RCAN1: variants seen among roughly 807,000 people sequenced by gnomAD.
RCAN1 encodes the protein calcipressin-1.
RCAN1 carries 11 observed loss-of-function variants against 22.9 expected under a neutral mutation model. That is an observed-to-expected ratio of 0.48 (90% CI 0.30 to 0.79). The LOEUF (loss-of-function observed/expected upper bound fraction) is 0.79, where lower values mean the gene tolerates loss of function less well. Ranked by LOEUF, RCAN1 falls within the 30% of genes least tolerant of loss-of-function variation. The pLI, the probability that RCAN1 is intolerant of heterozygous loss-of-function variation, is 0.06. For missense variants in RCAN1, 291 were observed against 337.8 expected (o/e 0.86, Z 1.09); for synonymous variants, 136 against 142.3 (o/e 0.96, Z 0.32).
intron 1 of RCAN1, among the ~76,000 whole-genome samples, chr21:34,580,680 G>A (rs765881300): frequency 6.6e-5 from 10 of 152,144 alleles, no homozygotes; most frequent in Non-Finnish European, 1.0e-4. Flanking sequence ...CTTGGCTCCC[G>A]GATGCTTTCT....
At chr21:34,529,457 A>G (rs1042928173) in intron 1 of RCAN1, among the ~76,000 whole-genome samples, 4 of 152,172 alleles carry the variant, frequency 2.6e-5, no homozygotes, top group African/African-American at 7.2e-5. Flanking sequence ...GCTCATATCA[A>G]TGCCTCCTCA....
intron 1 of RCAN1, among the ~76,000 whole-genome samples, chr21:34,570,646 T>C (rs2034072194): frequency 6.6e-6 from 1 of 151,860 alleles, no homozygotes. Context: ...GACTCTTTTT[T>C]TTTTTTTTTT....
chr21:34,562,045 G>C (rs1056238019), intron 1 of RCAN1, among the ~76,000 whole-genome samples: 49 of 152,218 alleles, frequency 3.2e-4, no homozygotes, highest in Admixed American at 3.9e-4. Flanking sequence ...GCATTAACCA[G>C]AGTGGGGCAC....
At chr21:34,523,784 CTT>C (rs5843666) in intron 1 of RCAN1, 74 bp from the exon 2 acceptor site, 111 of 1,007,296 alleles carry the variant, frequency 1.1e-4, no homozygotes, top group Middle Eastern at 6.3e-4. Flanking sequence ...GATGTCATTA[CTT>C]TTTTTTTTTT....
chr21:34,563,663 C>T (rs1192876305), intron 1 of RCAN1, among the ~76,000 whole-genome samples: 2 of 150,754 alleles, frequency 1.3e-5, no homozygotes, highest in Non-Finnish European at 1.5e-5. Flanking sequence ...AATCCCAGCA[C>T]TTTGGGAGGC....
chr21:34,562,243 T>C (rs763596953), intron 1 of RCAN1, among the ~76,000 whole-genome samples: 4 of 152,204 alleles, frequency 2.6e-5, no homozygotes, highest in Admixed American at 2.0e-4. Context: ...GGAGCACCGA[T>C]TTACTCTGCA....
At chr21:34,600,079 C>T (rs1351596021) in intron 1 of RCAN1, among the ~76,000 whole-genome samples, 2 of 152,194 alleles carry the variant, frequency 1.3e-5, no homozygotes, top group Non-Finnish European at 2.9e-5. Flanking sequence ...GCTAAAGCCC[C>T]TCACTCCAAT....
chr21:34,538,276 C>T (rs1319241398), intron 1 of RCAN1, among the ~76,000 whole-genome samples: 1 of 152,166 alleles, frequency 6.6e-6, no homozygotes. Context: ...TTTTAAACTG[C>T]TCTTGTACAA....
chr21:34,600,141 C>A (rs1347407689), intron 1 of RCAN1, among the ~76,000 whole-genome samples: 1 of 152,208 alleles, frequency 6.6e-6, no homozygotes, highest in Non-Finnish European at 1.5e-5. Context: ...AGAACCATCA[C>A]TGGGGACAGA....
intron 1 of RCAN1, among the ~76,000 whole-genome samples, chr21:34,545,681 A>G (rs1348558965): frequency 6.6e-6 from 1 of 152,036 alleles, no homozygotes; most frequent in Non-Finnish European, 1.5e-5. Context: ...TGCCCCTTGC[A>G]CTCTAGACTG....
chr21:34,569,476 T>C (rs1358315664), intron 1 of RCAN1, among the ~76,000 whole-genome samples: 2 of 152,214 alleles, frequency 1.3e-5, no homozygotes, highest in African/African-American at 4.8e-5. Flanking sequence ...TTTTATGTGT[T>C]ACCATATCCT....
intron 1 of RCAN1, among the ~76,000 whole-genome samples, chr21:34,530,761 A>C (rs1395770943): frequency 6.6e-6 from 1 of 151,022 alleles, no homozygotes; most frequent in African/African-American, 2.4e-5. Flanking sequence ...AGTAGTTGGG[A>C]TTACAGGCGC....
intron 1 of RCAN1, among the ~76,000 whole-genome samples, chr21:34,608,384 A>G (rs145034604): frequency 1.3e-5 from 2 of 152,320 alleles, no homozygotes; most frequent in African/African-American, 4.8e-5. Context: ...CTTCTCAGGA[A>G]TAGAATACAG....
chr21:34,520,228 G>A (rs1984401452), intron 3 of RCAN1, among the ~76,000 whole-genome samples: 1 of 152,216 alleles, frequency 6.6e-6, no homozygotes, highest in Non-Finnish European at 1.5e-5. Context: ...GGTGAAGGAA[G>A]TGGTATATTC....
intron 1 of RCAN1, among the ~76,000 whole-genome samples, chr21:34,581,950 G>A (rs910926089): frequency 6.6e-6 from 1 of 152,128 alleles, no homozygotes; most frequent in African/African-American, 2.4e-5. Context: ...CAACAGGGCC[G>A]ATCTCTTTCA....
At chr21:34,525,146 G>A in intron 1 of RCAN1, 1 of 1,550,598 alleles carries the variant, frequency 6.4e-7, no homozygotes, top group Non-Finnish European at 8.7e-7. Flanking sequence ...TTCAGGATAA[G>A]AGAGGAGAGT....
intron 1 of RCAN1, among the ~76,000 whole-genome samples, chr21:34,589,191 G>C (rs1987893306): frequency 6.6e-6 from 1 of 152,050 alleles, no homozygotes; most frequent in Non-Finnish European, 1.5e-5. Context: ...TAAAAGTTTA[G>C]TAAAGAAAAA....
chr21:34,597,891 AGT>A (rs1333308084), intron 1 of RCAN1, among the ~76,000 whole-genome samples: 1 of 152,214 alleles, frequency 6.6e-6, no homozygotes, highest in Non-Finnish European at 1.5e-5. Context: ...GGTAAAAATA[AGT>A]GTAATTTAAA....
chr21:34,587,722 T>C (rs1245117266), intron 1 of RCAN1, among the ~76,000 whole-genome samples: 1 of 152,146 alleles, frequency 6.6e-6, no homozygotes, highest in Non-Finnish European at 1.5e-5. Flanking sequence ...GAAACAACAA[T>C]AAAAGTGAAC....
Sources: allele counts gnomAD v4.1 joint callset (sites outside exome capture counted in the v4.1 genomes callset), GRCh38; gene constraint gnomAD v4.1.1; transcripts MANE v1.5; gene names NCBI Gene and HGNC (gene_info 2026-07-23, HGNC 2026-07-21).